Variants in ZNF431 observed in about 807,000 individuals in gnomAD.
The protein encoded by ZNF431 is zinc finger protein 431.
Under a neutral mutation model 57.0 loss-of-function variants are expected in ZNF431, and 34 were observed. The observed-to-expected ratio is 0.60, with a 90% CI of 0.45 to 0.79. ZNF431 has a LOEUF of 0.79. Among genes scored for constraint, ZNF431 ranks in the 30% least tolerant of loss-of-function variants. The pLI is 0.00. For missense variants in ZNF431, 607 were observed against 667.1 expected (o/e 0.91, Z 0.99); for synonymous variants, 207 against 220.3 (o/e 0.94, Z 0.54).
At chr19:21,155,391 G>A (rs994141670) in intron 2 of ZNF431, among the ~76,000 whole-genome samples, 1 of 152,040 alleles carries the variant, frequency 6.6e-6, no homozygotes, top group African/African-American at 2.4e-5. Flanking sequence ...TCTCTGTTTT[G>A]GTACCAGTAC....
At chr19:21,160,527 G>A (rs1970541831) in intron 2 of ZNF431, among the ~76,000 whole-genome samples, 1 of 152,150 alleles carries the variant, frequency 6.6e-6, no homozygotes, top group East Asian at 1.9e-4. Flanking sequence ...AGCTCCACCA[G>A]AGCAGTTCCA....
rs936268607 is a variant in ZNF431 at position 21,193,073 on chromosome 19, T to C, written c.*9039T>C. Reference sequence around the variant, plus strand: ...TATAAAATATATAATGAAATTGAATTAATAATTTAAAAAACCTACCAACTA... The same window carrying C: ...TATAAAATATATAATGAAATTGAATCAATAATTTAAAAAACCTACCAACTA... On this transcript the variant is annotated 3_prime_UTR_variant, in exon 5 of 5. Coordinates refer to ENST00000311048, the MANE Select transcript of ZNF431 (RefSeq NM_133473.4). The C allele has an allele frequency of 2.6e-5, 4 of 152,160 alleles. No individual in the cohort carries two copies. The highest frequency in any genetic ancestry group is 1.3e-4 in the Admixed American group (2 of 15,280). 9.4% of individuals were successfully genotyped at this position (152,160 alleles called of 1,614,324 possible).
chr19:21,174,807 T>C (rs528553167), intron 4 of ZNF431, among the ~76,000 whole-genome samples: 16 of 152,318 alleles, frequency 1.1e-4, no homozygotes, highest in African/African-American at 3.6e-4. Flanking sequence ...CATCTCGCTC[T>C]GTCACCCAGG....
At chr19:21,171,740 AG>A (rs1970899573) in intron 4 of ZNF431, among the ~76,000 whole-genome samples, 1 of 84,502 alleles carries the variant, frequency 1.2e-5, no homozygotes, top group Non-Finnish European at 2.2e-5. Context: ...TTTTTTTTTT[AG>A]ACAGAGTCTC....
At chr19:21,156,766 T>A (rs1317334408) in intron 2 of ZNF431, among the ~76,000 whole-genome samples, 1 of 152,116 alleles carries the variant, frequency 6.6e-6, no homozygotes, top group Non-Finnish European at 1.5e-5. Context: ...TTATTAAATC[T>A]TCTATTTTAT....
chr19:21,163,751 C>G (rs959810682), intron 2 of ZNF431, among the ~76,000 whole-genome samples: 3 of 152,046 alleles, frequency 2.0e-5, no homozygotes, highest in Non-Finnish European at 2.9e-5. Flanking sequence ...AACTCCAGAC[C>G]TCAGGTGATC....
chr19:21,149,928 G>A, intron 2 of ZNF431: 3 of 605,750 alleles, frequency 5.0e-6, no homozygotes, highest in Non-Finnish European at 9.2e-6. Context: ...TTATGACACA[G>A]GGCAGGCAAG....
intron 2 of ZNF431, among the ~76,000 whole-genome samples, chr19:21,157,779 C>T (rs896042776): frequency 9.2e-5 from 14 of 152,022 alleles, no homozygotes; most frequent in African/African-American, 3.1e-4. Flanking sequence ...CCGCCCGCCT[C>T]GGCCTCCCAA....
intron 2 of ZNF431, among the ~76,000 whole-genome samples, chr19:21,146,422 AAAAAAG>A (rs1214609447): frequency 6.6e-6 from 1 of 151,798 alleles, no homozygotes; most frequent in Non-Finnish European, 1.5e-5. Context: ...AAAAAAAAAA[AAAAAAG>A]AAGAAGAAAG....
chr19:21,164,626 A>G (rs1362861408), intron 2 of ZNF431, among the ~76,000 whole-genome samples: 3 of 152,004 alleles, frequency 2.0e-5, no homozygotes, highest in Non-Finnish European at 2.9e-5. Context: ...ATTTCCAGAG[A>G]AGGAGGAGAA....
At chr19:21,148,568 C>A (rs1446933643) in intron 2 of ZNF431, among the ~76,000 whole-genome samples, 1 of 152,174 alleles carries the variant, frequency 6.6e-6, no homozygotes, top group African/African-American at 2.4e-5. Flanking sequence ...TTTATTCTAT[C>A]TAATCTAAAA....
intron 4 of ZNF431, among the ~76,000 whole-genome samples, chr19:21,167,922 C>T (rs1970769834): frequency 6.6e-6 from 1 of 152,272 alleles, no homozygotes; most frequent in African/African-American, 2.4e-5. Context: ...AGCATATTGT[C>T]ATAGCATATA....
chr19:21,177,384 A>G (rs755818201), intron 4 of ZNF431, among the ~76,000 whole-genome samples: 6 of 152,118 alleles, frequency 3.9e-5, no homozygotes, highest in Non-Finnish European at 5.9e-5. Flanking sequence ...CCATTGGTCT[A>G]TATGTATGTT....
rs767337875 is a variant in ZNF431, at chr19:21,195,457, T to A, written c.*11423T>A. Reference sequence around the variant, plus strand: ...AAAAGATACACAATTTTCTAAAAAATTTTTCTTTATGGGCGATTGAATAGT... The same window carrying A: ...AAAAGATACACAATTTTCTAAAAAAATTTTCTTTATGGGCGATTGAATAGT... On this transcript the variant is annotated 3_prime_UTR_variant, in exon 5 of 5. Transcript: ENST00000311048. 3.1e-4 allele frequency: 47 copies of A among 152,166 alleles called. No homozygotes were observed. Among genetic ancestry groups the A allele is most frequent in the Non-Finnish European group, 6.5e-4 (44 of 68,024 alleles). 9.4% of individuals were successfully genotyped at this position (152,166 alleles called of 1,614,324 possible). A position where few individuals can be genotyped will look rare whatever the true frequency, so the allele number is the denominator to read the frequency against.
intron 2 of ZNF431, among the ~76,000 whole-genome samples, 165 bp downstream of exon 2, chr19:21,143,808 A>G (rs565080968): frequency 1.3e-5 from 2 of 152,250 alleles, no homozygotes; most frequent in Non-Finnish European, 2.9e-5. Context: ...AAATAAATAT[A>G]GTGGAAGAAA....
At position 21,191,242 on chromosome 19, in the gene ZNF431, C is replaced by T. The variant is rs1971504130; in HGVS notation, c.*7208C>T. On this transcript the variant is annotated 3_prime_UTR_variant, in exon 5 of 5. Coordinates refer to ENST00000311048, the MANE Select transcript of ZNF431 (RefSeq NM_133473.4). ...GGCCGAGGCAGGTGGATCACGAGGT[C>T]AGAAGTTCGAGACCAGCCTGACCAA... 1 of 152,114 alleles carries T rather than the reference C, an allele frequency of 6.6e-6. No homozygotes were observed. The highest frequency in any genetic ancestry group is 6.6e-5 in the Admixed American group (1 of 15,264). 9.4% of individuals were successfully genotyped at this position (152,114 alleles called of 1,614,324 possible). A position where few individuals can be genotyped will look rare whatever the true frequency, so the allele number is the denominator to read the frequency against.
At chr19:21,175,393 A>G (rs1276685230) in intron 4 of ZNF431, 2 of 694,710 alleles carry the variant, frequency 2.9e-6, no homozygotes, top group Non-Finnish European at 5.2e-6. Flanking sequence ...TAAAGTTACT[A>G]TTACCAGTTT....
chr19:21,173,902 T>A (rs1259722573), intron 4 of ZNF431, among the ~76,000 whole-genome samples: 1 of 152,140 alleles, frequency 6.6e-6, no homozygotes, highest in Non-Finnish European at 1.5e-5. Flanking sequence ...CCCATTTGAA[T>A]ATCTTTTTTG....
In ZNF431 at chr19:21,190,185, C is replaced by T. The variant is rs1173340038; in HGVS notation, c.*6151C>T. The T allele has an allele frequency of 7.0e-6, 2 of 284,814 alleles. No individual in the cohort carries two copies. The highest frequency in any genetic ancestry group is 2.2e-5 in the African/African-American group (1 of 45,822). The allele number at this position is 284,814 out of a possible 1,614,324, so 17.6% of individuals were successfully genotyped here. ...CTCGGTCTCAAGAGGGAAAATAAGG[C>T]ATTTTTCTCATTTAAATAATAAATA... On this transcript the variant is annotated 3_prime_UTR_variant, in exon 5 of 5. Transcript: ENST00000311048.
Sources: allele counts gnomAD v4.1 joint callset (sites outside exome capture counted in the v4.1 genomes callset), GRCh38; gene constraint gnomAD v4.1.1; transcripts MANE v1.5; gene names NCBI Gene and HGNC (gene_info 2026-07-23, HGNC 2026-07-21).